The following CHL1 variants were observed in gnomAD, a reference collection of about 807,000 sequenced individuals.
The protein encoded by CHL1 is cell adhesion molecule L1 like, also known as neural cell adhesion molecule L1-like protein.
In CHL1, 96 loss-of-function variants were observed where a neutral mutation model predicts 141.9. That is an observed-to-expected ratio of 0.68 (90% CI 0.57 to 0.80). CHL1 has a LOEUF of 0.80. CHL1 is among the 30% of genes least tolerant of loss of function. The pLI is 0.00. For synonymous variants in CHL1, 613 were observed against 502.2 expected, an observed-to-expected ratio of 1.22 and a Z score of -2.95; for missense variants, 1,820 against 1,457.2, an observed-to-expected ratio of 1.25 and a Z score of -4.05.
At chr3:259,571 C>T (rs1447291902) in intron 2 of CHL1, among the ~76,000 whole-genome samples, 4 of 152,024 alleles carry the variant, frequency 2.6e-5, no homozygotes, top group Non-Finnish European at 5.9e-5. Flanking sequence ...TCCTGTATGT[C>T]CCATTGCTTG....
rs1355854001 is a variant in CHL1, at chr3:405,486, G to T, written c.3459-9G>T. The T allele has an allele frequency of 6.3e-6, 10 of 1,590,738 alleles. No homozygotes were observed. Among genetic ancestry groups the T allele is most frequent in the Middle Eastern group, 1.7e-4 (1 of 6,034 alleles). ...TTTGTTGAGCTATTTTTGTTTGTTT[G>T]TTTTCTAGTGACAGTGATGAAAAGC... On this transcript the variant is annotated splice_polypyrimidine_tract_variant and intron_variant, in intron 27 of 27. Coordinates refer to ENST00000256509, the MANE Select transcript of CHL1 (RefSeq NM_006614.4).
chr3:214,319 T>C (rs953219494), intron 1 of CHL1, among the ~76,000 whole-genome samples: 1 of 152,180 alleles, frequency 6.6e-6, no homozygotes, highest in African/African-American at 2.4e-5. Flanking sequence ...GGTAAGGCTA[T>C]TCTCTAGACA....
chr3:287,072 A>G (rs928416581), intron 2 of CHL1, among the ~76,000 whole-genome samples: 13 of 152,158 alleles, frequency 8.5e-5, no homozygotes, highest in African/African-American at 2.9e-4. Context: ...CCTTCTGGGA[A>G]TGCAGCCCAG....
rs942173239 is a variant in CHL1, at chr3:406,831, A to T, written c.*1120A>T. Reference sequence around the variant, plus strand: ...ATTGCTTTCTTTCAACAGTTTCAAAATAAAATATCATATAAATATTGAGGG... The same window carrying T: ...ATTGCTTTCTTTCAACAGTTTCAAATTAAAATATCATATAAATATTGAGGG... On this transcript the variant is annotated 3_prime_UTR_variant, in exon 28 of 28. Coordinates refer to ENST00000256509, the MANE Select transcript of CHL1 (RefSeq NM_006614.4). 4 of 152,240 alleles carry T rather than the reference A, an allele frequency of 2.6e-5. No homozygotes were observed. The highest frequency in any genetic ancestry group is 9.6e-5 in the African/African-American group (4 of 41,564). 9.4% of individuals were successfully genotyped at this position (152,240 alleles called of 1,614,324 possible).
intron 2 of CHL1, among the ~76,000 whole-genome samples, chr3:258,914 T>A (rs1474110425): frequency 6.6e-6 from 1 of 151,800 alleles, no homozygotes; most frequent in Non-Finnish European, 1.5e-5. Context: ...CACACCTTTA[T>A]TTTAAACGTA....
At chr3:300,664 G>A (rs560190742) in intron 2 of CHL1, among the ~76,000 whole-genome samples, 1 of 152,116 alleles carries the variant, frequency 6.6e-6, no homozygotes, top group African/African-American at 2.4e-5. Context: ...ACTCTCCTGA[G>A]TTTATTGTCT....
chr3:388,475 A>T (rs1242414035), intron 19 of CHL1, among the ~76,000 whole-genome samples: 3 of 148,584 alleles, frequency 2.0e-5, no homozygotes, highest in African/African-American at 7.6e-5. Context: ...TGCACCCGGG[A>T]GATGGAGGTT....
intron 15 of CHL1, 68 bp downstream of exon 15, chr3:366,183 G>T: frequency 6.7e-7 from 1 of 1,494,284 alleles, no homozygotes; most frequent in Non-Finnish European, 9.2e-7. Context: ...GATTTAAAAA[G>T]TTCTAGGTCG....
intron 2 of CHL1, among the ~76,000 whole-genome samples, chr3:306,194 C>T (rs1297779822): frequency 6.6e-6 from 1 of 152,126 alleles, no homozygotes. Context: ...AACGATCAAT[C>T]AGTGTTGACA....
rs141898485 is a variant in CHL1 at position 220,533 on chromosome 3, G to T, written c.-175+23470G>T. 1.5e-3 allele frequency among the ~76,000 whole-genome samples: 224 copies of T among 151,628 alleles called. 1 individual carries two copies. Among genetic ancestry groups the T allele is most frequent in the African/African-American group, 5.1e-3 (211 of 41,384 alleles). ...ATGAGTTGTTTTTTTTTTAAAAAAAGGTCCATGCATAATTTTTGTGATATC... is the reference window on the plus strand; with the variant it reads ...ATGAGTTGTTTTTTTTTTAAAAAAATGTCCATGCATAATTTTTGTGATATC... On this transcript the variant is annotated intron_variant, in intron 1 of 27. Coordinates refer to ENST00000256509, the MANE Select transcript of CHL1 (RefSeq NM_006614.4).
chr3:347,554 T>C lies in CHL1; in HGVS notation c.849-1805T>C, dbSNP rs980753036. Among the ~76,000 whole-genome samples the C allele has an allele frequency of 6.8e-5, 6 of 88,796 alleles. 1 individual carries two copies. The highest frequency in any genetic ancestry group is 1.5e-4 in the African/African-American group (5 of 34,234). 58.3% of individuals were successfully genotyped at this position (88,796 alleles called of 152,430 possible). A position where few individuals can be genotyped will look rare whatever the true frequency, so the allele number is the denominator to read the frequency against. On this transcript the variant is annotated intron_variant, in intron 9 of 27. Transcript: ENST00000256509. ...AAATGGTATTAGAAAATTAGACTAG[T>C]TTTCAAAGACCCAAAGACTAGGGAG...
chr3:312,750 A>G (rs973156077), intron 2 of CHL1, among the ~76,000 whole-genome samples: 1 of 152,220 alleles, frequency 6.6e-6, no homozygotes, highest in Non-Finnish European at 1.5e-5. Context: ...ATCTTGCTTG[A>G]TGCAGCTCAG....
intron 1 of CHL1, among the ~76,000 whole-genome samples, chr3:233,515 A>G (rs1691619759): frequency 1.3e-5 from 2 of 152,288 alleles, no homozygotes; most frequent in South Asian, 2.1e-4. Context: ...ACGCATGATC[A>G]TTAAAAATAT....
chr3:274,831 G>A (rs1442555716), intron 2 of CHL1, among the ~76,000 whole-genome samples: 3 of 152,118 alleles, frequency 2.0e-5, no homozygotes, highest in East Asian at 3.8e-4. Context: ...AATTCCTAGT[G>A]TGCAAGAAAT....
chr3:234,590 C>T (rs7646675), intron 1 of CHL1, among the ~76,000 whole-genome samples: 68,562 of 151,922 alleles, frequency 0.45, 17,024 homozygotes, highest in Non-Finnish European at 0.54. Flanking sequence ...TGGGAGAGGA[C>T]GGGACTCTGA....
chr3:233,689 G>A (rs533226750), intron 1 of CHL1, among the ~76,000 whole-genome samples: 22 of 152,094 alleles, frequency 1.4e-4, no homozygotes, highest in African/African-American at 4.8e-4. Context: ...AAAAAATTTT[G>A]TAGTGCTTTA....
chr3:221,261 C>G (rs948972007), intron 1 of CHL1, among the ~76,000 whole-genome samples: 4 of 152,216 alleles, frequency 2.6e-5, no homozygotes, highest in Non-Finnish European at 4.4e-5. Flanking sequence ...GCCATGGTCA[C>G]TCGTGTGGCT....
intron 2 of CHL1, among the ~76,000 whole-genome samples, chr3:263,852 A>G (rs759661318): frequency 1.8e-4 from 27 of 152,200 alleles, no homozygotes; most frequent in Non-Finnish European, 8.8e-5. Context: ...TCTACAAACA[A>G]TTGTATAAGC....
intron 2 of CHL1, among the ~76,000 whole-genome samples, chr3:304,422 G>C (rs966701062): frequency 6.6e-6 from 1 of 152,166 alleles, no homozygotes; most frequent in Admixed American, 6.5e-5. Context: ...TTCAGAACTT[G>C]TTATTGTTTT....
Sources: gnomAD v4.1 joint callset for allele counts (sites outside exome capture counted in the v4.1 genomes callset) on GRCh38, gnomAD v4.1.1 for gene constraint, MANE v1.5 for transcripts, NCBI Gene and HGNC (gene_info 2026-07-23, HGNC 2026-07-21) for gene names.